The following CCDC171 variants were observed in gnomAD, a reference collection of about 807,000 sequenced individuals.
CCDC171 encodes coiled-coil domain containing 171.
In CCDC171, 177 loss-of-function variants were observed where a neutral mutation model predicts 168.2. That is an observed-to-expected ratio of 1.05 (90% confidence interval 0.93 to 1.19). The LOEUF is 1.19. Among genes scored for constraint, CCDC171 ranks in the 50% most tolerant of loss-of-function variants. CCDC171 has a pLI of 0.00. For synonymous variants in CCDC171, 687 were observed against 540.8 expected (o/e 1.27, Z -3.75); for missense variants, 1,991 against 1,539.0 (o/e 1.29, Z -4.91).
intron 11 of CCDC171, among the ~76,000 whole-genome samples, chr9:15,707,387 T>G (rs2052328578): frequency 6.6e-6 from 1 of 152,356 alleles, no homozygotes; most frequent in Non-Finnish European, 1.5e-5. Context: ...CTACTTTGGT[T>G]ACGATTTGAT....
At chr9:15,879,773 G>A (rs983405483) in intron 24 of CCDC171, among the ~76,000 whole-genome samples, 1 of 152,062 alleles carries the variant, frequency 6.6e-6, no homozygotes, top group African/African-American at 2.4e-5. Context: ...GAATAAGGTG[G>A]TAATTACTAT....
In CCDC171 at chr9:15,821,836, T is replaced by G. The variant is rs1246112439; in HGVS notation, c.3268-24866T>G. Among the ~76,000 whole-genome samples the G allele has an allele frequency of 1.7e-5, 2 of 116,546 alleles. 1 individual carries two copies. The highest frequency in any genetic ancestry group is 3.8e-5 in the Non-Finnish European group (2 of 52,056). The allele number at this position is 116,546 out of a possible 152,430, so 76.5% of individuals were successfully genotyped here. A position where few individuals can be genotyped will look rare whatever the true frequency, so the allele number is the denominator to read the frequency against. ...TTCACAGAATTGGAAAAAACTACTT[T>G]AAAGTTCATATGGAACCAAAAAAGA... On this transcript the variant is annotated intron_variant, in intron 21 of 25. Coordinates refer to ENST00000380701, the MANE Select transcript of CCDC171 (RefSeq NM_173550.4).
At chr9:16,095,870 A>ATG in the CCDC171 span, among the ~76,000 whole-genome samples, 4 of 9,370 alleles carry the variant, frequency 4.3e-4, no homozygotes, top group East Asian at 0.011. Flanking sequence ...ACATAGGCAC[A>ATG]TATATATATA....
At chr9:15,775,703 A>G (rs1258605758) in intron 18 of CCDC171, among the ~76,000 whole-genome samples, 3 of 152,204 alleles carry the variant, frequency 2.0e-5, no homozygotes, top group Non-Finnish European at 2.9e-5. Flanking sequence ...GAAATTTCCT[A>G]AAATAATGAA....
chr9:15,795,694 A>G (rs2058517907), intron 21 of CCDC171, among the ~76,000 whole-genome samples: 3 of 152,196 alleles, frequency 2.0e-5, no homozygotes, highest in Admixed American at 2.0e-4. Flanking sequence ...AAAGCTAGGC[A>G]TCTGGAAGGG....
intron 21 of CCDC171, among the ~76,000 whole-genome samples, chr9:15,826,335 T>A (rs1490734989): frequency 6.6e-6 from 1 of 151,950 alleles, no homozygotes; most frequent in South Asian, 2.1e-4. Context: ...CCTTTTTTTT[T>A]ATGCTGAAGG....
intron 2 of CCDC171, among the ~76,000 whole-genome samples, chr9:15,568,317 C>G (rs2039921327): frequency 7.0e-6 from 1 of 143,044 alleles, no homozygotes; most frequent in Non-Finnish European, 1.5e-5. Context: ...GTTGCCCAGG[C>G]TGGAGTGCAG....
chr9:15,567,027 C>CT (rs34470119), intron 2 of CCDC171, among the ~76,000 whole-genome samples: 56,436 of 132,234 alleles, frequency 0.43, 13,006 homozygotes, highest in East Asian at 0.82. Context: ...TCTACATGTC[C>CT]TTTTTTTTTT....
rs148354339 is a variant in CCDC171 at position 15,888,837 on chromosome 9, T to C, written c.3600+14174T>C. ...GAAGGCAAAACCTGACCTGCCCTAATTTTGTGGCAAAACCTGAGAAATATG... is the reference window on the plus strand; with the variant it reads ...GAAGGCAAAACCTGACCTGCCCTAACTTTGTGGCAAAACCTGAGAAATATG... On this transcript the variant is annotated intron_variant, in intron 24 of 25. Transcript: ENST00000380701. 124 of 152,222 alleles carry C rather than the reference T, an allele frequency of 8.1e-4. 1 individual carries two copies. The highest frequency in any genetic ancestry group is 2.8e-3 in the African/African-American group (116 of 41,530). 9.4% of individuals were successfully genotyped at this position (152,222 alleles called of 1,614,324 possible). A position where few individuals can be genotyped will look rare whatever the true frequency, so the allele number is the denominator to read the frequency against.
rs34584445 is a variant in CCDC171, at chr9:15,565,086, C to CTTT, written c.41+975_41+977dup. On this transcript the variant is annotated intron_variant, in intron 2 of 25. Coordinates refer to ENST00000380701, the MANE Select transcript of CCDC171 (RefSeq NM_173550.4). ...AGCTTTTGAAGCTACCCACCCCCCA[C>CTTT]TTTTTTTTTTTTTTTTTTTTGAGAC... Among the ~76,000 whole-genome samples, 262 of 119,850 alleles carry CTTT rather than the reference C, an allele frequency of 2.2e-3. 5 individuals carry two copies. Among genetic ancestry groups the CTTT allele is most frequent in the African/African-American group, 7.5e-3 (245 of 32,696 alleles). The allele number at this position is 119,850 out of a possible 152,430, so 78.6% of individuals were successfully genotyped here. A position where few individuals can be genotyped will look rare whatever the true frequency, so the allele number is the denominator to read the frequency against.
intron 10 of CCDC171, among the ~76,000 whole-genome samples, chr9:15,681,051 AT>A (rs1182046544): frequency 1.3e-5 from 2 of 151,612 alleles, no homozygotes; most frequent in Non-Finnish European, 2.9e-5. Flanking sequence ...GTACCAACAG[AT>A]TTTTTTTTCT....
At chr9:15,890,697 C>A (rs1378701961) in intron 24 of CCDC171, among the ~76,000 whole-genome samples, 1 of 152,066 alleles carries the variant, frequency 6.6e-6, no homozygotes, top group East Asian at 1.9e-4. Context: ...GTCCTTAAAA[C>A]AAAATGGCTA....
At chr9:15,573,858 C>T (rs905419497) in intron 3 of CCDC171, among the ~76,000 whole-genome samples, 9 of 151,648 alleles carry the variant, frequency 5.9e-5, no homozygotes, top group African/African-American at 1.2e-4. Flanking sequence ...CCCGGGAGTT[C>T]GAGACCAGCC....
intron 21 of CCDC171, among the ~76,000 whole-genome samples, chr9:15,813,144 C>G (rs2059426866): frequency 6.6e-6 from 1 of 152,150 alleles, no homozygotes. Flanking sequence ...TTGGGGCTTG[C>G]TAGAGTGTGA....
chr9:16,094,295 C>G, the CCDC171 span, among the ~76,000 whole-genome samples: 1 of 152,174 alleles, frequency 6.6e-6, no homozygotes, highest in Non-Finnish European at 1.5e-5. Context: ...AATGTTGACT[C>G]TAGTGGTCCA....
rs777107054 is a variant in CCDC171, at chr9:15,678,853, A to G, written c.1172A>G (p.Tyr391Cys). The G allele has an allele frequency of 1.3e-6, 2 of 1,594,816 alleles. No homozygotes were observed. Among genetic ancestry groups the G allele is most frequent in the East Asian group, 2.2e-5 (1 of 44,460 alleles). The change falls in exon 10 of 26, where the codon TAT becomes TGT. Residue 391 changes from tyrosine (Y) to cysteine (C), a missense_variant. Physicochemically the swap from Tyr to Cys is radical, Grantham distance 194 (BLOSUM62 -2). Transcript: ENST00000380701. ...ATAGACCTTTCAAAGAGACTCCAGT[A>G]TAATGAAAAAAGTTGCAGTGAATTA... is the stretch of plus-strand genomic sequence containing the variant. ...VIIDLSKRLQYNEKSCSELQE... is the reference protein window; with the variant it reads ...VIIDLSKRLQCNEKSCSELQE...
At position 15,779,016 on chromosome 9, in the gene CCDC171, C is replaced by T. The variant is rs775272048; in HGVS notation, c.2947C>T (p.Leu983=). The stretch of plus-strand genomic sequence containing the variant: ...GCAAATACTTGGATTTACACAAAGA[C>T]TGCATGCTGCAGAAGTGGAGCGCCG... The part of the protein sequence containing the change: ...QKQILGFTQR[L]HAAEVERRSL... The change falls in exon 20 of 26, where the codon CTG becomes TTG. Residue 983 remains leucine, a synonymous_variant. Coordinates refer to ENST00000380701, the MANE Select transcript of CCDC171 (RefSeq NM_173550.4). The T allele has an allele frequency of 1.9e-6, 3 of 1,588,444 alleles. No individual in the cohort carries two copies. Among genetic ancestry groups the T allele is most frequent in the Non-Finnish European group, 2.6e-6 (3 of 1,169,210 alleles).
intron 3 of CCDC171, among the ~76,000 whole-genome samples, chr9:15,991,398 C>T (rs1168214199): frequency 2.7e-5 from 4 of 149,392 alleles, no homozygotes; most frequent in South Asian, 4.1e-4. Flanking sequence ...AAAGACACAA[C>T]GTACCAGAAT....
intron 24 of CCDC171, among the ~76,000 whole-genome samples, chr9:15,913,345 G>A (rs1198078822): frequency 6.6e-6 from 1 of 152,150 alleles, no homozygotes; most frequent in Non-Finnish European, 1.5e-5. Flanking sequence ...TCTGATGGTA[G>A]TTTGTATTTC....
Sources: gnomAD v4.1 joint callset for allele counts (sites outside exome capture counted in the v4.1 genomes callset) on GRCh38, gnomAD v4.1.1 for gene constraint, MANE v1.5 for transcripts, NCBI Gene and HGNC (gene_info 2026-07-23, HGNC 2026-07-21) for gene names.